Variants in SEMA3D observed in about 807,000 individuals in gnomAD.
The protein encoded by SEMA3D is semaphorin 3D, also known as semaphorin-3D.
In SEMA3D, 84 loss-of-function variants were observed where a neutral mutation model predicts 100.1. The ratio of observed to expected loss-of-function variants is 0.84; its 90% CI spans 0.70 to 1.01. The LOEUF (loss-of-function observed/expected upper bound fraction) is 1.01. Ranked by LOEUF, SEMA3D falls within the 50% of genes least tolerant of loss-of-function variation. The probability of loss-of-function intolerance (pLI) is 0.00; values close to 1 mark genes in which losing one functional copy is unlikely to be tolerated. For synonymous variants in SEMA3D, 312 were observed against 320.7 expected, an observed-to-expected ratio of 0.97 and a Z score of 0.29; for missense variants, 875 against 934.1, an observed-to-expected ratio of 0.94 and a Z score of 0.82.
At chr7:85,147,545 T>TG (rs1790251797) in intron 2 of SEMA3D, among the ~76,000 whole-genome samples, 3 of 152,138 alleles carry the variant, frequency 2.0e-5, no homozygotes, top group Middle Eastern at 3.2e-3. Flanking sequence ...AGCAATTTAA[T>TG]ACCAGTAATG....
intron 1 of SEMA3D, among the ~76,000 whole-genome samples, chr7:85,184,583 AC>A (rs1438412581): frequency 6.6e-6 from 1 of 152,198 alleles, no homozygotes; most frequent in Non-Finnish European, 1.5e-5. Context: ...GATAAAGTTC[AC>A]AGCACCTGAA....
At chr7:85,148,260 A>G (rs940646876) in intron 2 of SEMA3D, among the ~76,000 whole-genome samples, 1 of 152,176 alleles carries the variant, frequency 6.6e-6, no homozygotes. Context: ...CTCTGTCATC[A>G]TATCTTGTTT....
At chr7:85,090,064 C>A (rs749829873) in intron 4 of SEMA3D, among the ~76,000 whole-genome samples, 6 of 152,128 alleles carry the variant, frequency 3.9e-5, no homozygotes, top group African/African-American at 1.2e-4. Context: ...GTAGTGAATA[C>A]TATTCAACAC....
intron 1 of SEMA3D, among the ~76,000 whole-genome samples, chr7:85,154,331 C>G (rs1448876694): frequency 6.6e-6 from 1 of 151,990 alleles, no homozygotes; most frequent in Non-Finnish European, 1.5e-5. Context: ...CAACATTTAC[C>G]TTTCAATAGA....
upstream of SEMA3D, among the ~76,000 whole-genome samples, chr7:85,190,986 T>C (rs1791682816): frequency 6.6e-6 from 1 of 151,952 alleles, no homozygotes; most frequent in African/African-American, 2.4e-5. Flanking sequence ...TTCACCCTGC[T>C]ATAGAGACTT....
chr7:85,124,831 CT>C (rs1194660760), intron 2 of SEMA3D, among the ~76,000 whole-genome samples: 1 of 152,098 alleles, frequency 6.6e-6, no homozygotes, highest in Non-Finnish European at 1.5e-5. Flanking sequence ...AAATTTGGCT[CT>C]GCGTATTCTG....
At chr7:85,200,475 C>T in the SEMA3D span, among the ~76,000 whole-genome samples, 1 of 152,028 alleles carries the variant, frequency 6.6e-6, no homozygotes, top group African/African-American at 2.4e-5. Context: ...GAACTTTGAA[C>T]TTGAGAGAGA....
At chr7:85,231,697 C>A in the SEMA3D span, among the ~76,000 whole-genome samples, 14 of 152,118 alleles carry the variant, frequency 9.2e-5, 1 homozygote, top group Middle Eastern at 6.8e-3. Flanking sequence ...TGATCCGCCC[C>A]CCTCAGCCTC....
the SEMA3D span, among the ~76,000 whole-genome samples, chr7:85,194,151 A>G: frequency 6.6e-6 from 1 of 152,318 alleles, no homozygotes; most frequent in South Asian, 2.1e-4. Flanking sequence ...ATCTGCAAAC[A>G]AAGATAGTTT....
chr7:85,025,017 C>T (rs2115868872), intron 12 of SEMA3D, among the ~76,000 whole-genome samples: 1 of 151,334 alleles, frequency 6.6e-6, no homozygotes, highest in South Asian at 2.1e-4. Context: ...AGTTATTTTC[C>T]TTTAACAAAT....
At chr7:85,102,870 G>A (rs1338859833) in intron 3 of SEMA3D, among the ~76,000 whole-genome samples, 1 of 151,816 alleles carries the variant, frequency 6.6e-6, no homozygotes, top group African/African-American at 2.4e-5. Flanking sequence ...CCAATTCTAT[G>A]GGGTTTAGTT....
chr7:85,191,581 T>A (rs1266893025), upstream of SEMA3D, among the ~76,000 whole-genome samples: 2 of 152,170 alleles, frequency 1.3e-5, no homozygotes, highest in Non-Finnish European at 2.9e-5. Flanking sequence ...TGCCCTCTTG[T>A]GGCTTATTTG....
At chr7:85,020,563 T>A (rs927230783) in intron 13 of SEMA3D, among the ~76,000 whole-genome samples, 1 of 151,646 alleles carries the variant, frequency 6.6e-6, no homozygotes, top group African/African-American at 2.4e-5. Context: ...ATTCAGAGTA[T>A]ATTCTTAACA....
chr7:85,061,696 A>G (rs1010864090), intron 8 of SEMA3D, among the ~76,000 whole-genome samples: 6 of 152,100 alleles, frequency 3.9e-5, no homozygotes, highest in Non-Finnish European at 5.9e-5. Context: ...AGTCCATCAG[A>G]TCCCTCTTCA....
At chr7:85,152,075 A>G (rs1463725138) in intron 2 of SEMA3D, among the ~76,000 whole-genome samples, 2 of 151,918 alleles carry the variant, frequency 1.3e-5, no homozygotes, top group African/African-American at 4.8e-5. Context: ...TTTATTAACC[A>G]TTTATCTCTT....
At chr7:85,210,600 C>T in the SEMA3D span, among the ~76,000 whole-genome samples, 1 of 151,796 alleles carries the variant, frequency 6.6e-6, no homozygotes, top group Non-Finnish European at 1.5e-5. Context: ...TAAAAAGTTA[C>T]TTAAGACATC....
At chr7:85,173,079 A>C (rs540653183) in intron 1 of SEMA3D, among the ~76,000 whole-genome samples, 5 of 152,130 alleles carry the variant, frequency 3.3e-5, no homozygotes, top group African/African-American at 1.2e-4. Context: ...AGCAGACCCA[A>C]CTTGGAAGGC....
chr7:85,221,735 T>C, the SEMA3D span, among the ~76,000 whole-genome samples: 1 of 152,002 alleles, frequency 6.6e-6, no homozygotes, highest in South Asian at 2.1e-4. Flanking sequence ...AGGAAAAATC[T>C]CTCTTAAAAT....
intron 2 of SEMA3D, chr7:85,142,512 A>T: frequency 1.0e-6 from 1 of 983,904 alleles, no homozygotes; most frequent in Non-Finnish European, 1.2e-6. Flanking sequence ...TTATTTAATC[A>T]TTCTCCATGG....
Sources: gnomAD v4.1 joint callset for allele counts (sites outside exome capture counted in the v4.1 genomes callset) on GRCh38, gnomAD v4.1.1 for gene constraint, MANE v1.5 for transcripts, NCBI Gene and HGNC (gene_info 2026-07-23, HGNC 2026-07-21) for gene names.